The following RUNX2 variants were observed in gnomAD, a reference collection of about 807,000 sequenced individuals.
RUNX2 encodes the protein RUNX family transcription factor 2.
Under a neutral mutation model 51.7 loss-of-function variants are expected in RUNX2, and 10 were observed. The observed-to-expected ratio is 0.19, with a 90% CI of 0.12 to 0.33. The LOEUF (loss-of-function observed/expected upper bound fraction) is 0.33. Ranked by LOEUF, RUNX2 falls within the 10% of genes least tolerant of loss-of-function variation. RUNX2 has a pLI of 1.00. For missense variants in RUNX2, 562 were observed against 691.3 expected (o/e 0.81, Z 2.10); for synonymous variants, 276 against 273.6 (o/e 1.01, Z -0.09).
At chr6:45,509,744 T>C (rs1801086055) in intron 6 of RUNX2, among the ~76,000 whole-genome samples, 1 of 152,240 alleles carries the variant, frequency 6.6e-6, no homozygotes, top group African/African-American at 2.4e-5. Context: ...AGGAGAACTG[T>C]ATCTTACATC....
intron 7 of RUNX2, among the ~76,000 whole-genome samples, chr6:45,532,733 G>A (rs6458446): frequency 0.36 from 54,716 of 151,832 alleles, 11,408 homozygotes; most frequent in African/African-American, 0.59. Context: ...ACCAGTCACT[G>A]ACTGTTTTGG....
At chr6:45,442,792 G>A (rs1305816088) in intron 5 of RUNX2, among the ~76,000 whole-genome samples, 1 of 152,128 alleles carries the variant, frequency 6.6e-6, no homozygotes, top group East Asian at 1.9e-4. Context: ...ATCAGATAGT[G>A]GCTGGTGCTG....
intron 6 of RUNX2, 127 bp from the exon 7 acceptor site, chr6:45,512,119 A>T (rs944145603): frequency 9.7e-6 from 7 of 721,566 alleles, no homozygotes; most frequent in Middle Eastern, 3.8e-4. Context: ...CTTATATATT[A>T]TATATATATA....
chr6:45,407,438 A>G (rs1465017553), intron 2 of RUNX2, among the ~76,000 whole-genome samples: 1 of 152,158 alleles, frequency 6.6e-6, no homozygotes, highest in African/African-American at 2.4e-5. Flanking sequence ...CTCCTCAGTC[A>G]GAAATTTTAC....
intron 6 of RUNX2, among the ~76,000 whole-genome samples, chr6:45,492,869 T>G (rs1800526723): frequency 6.6e-6 from 1 of 152,232 alleles, no homozygotes; most frequent in South Asian, 2.1e-4. Context: ...ATTATAAATC[T>G]TTAATTTGCA....
intron 4 of RUNX2, 81 bp from the exon 5 acceptor site, chr6:45,437,866 A>G (rs1215919406): frequency 9.7e-7 from 1 of 1,035,888 alleles, no homozygotes; most frequent in Non-Finnish European, 1.5e-6. Context: ...CTTAAATGCA[A>G]TTTGGAAATC....
intron 5 of RUNX2, among the ~76,000 whole-genome samples, chr6:45,487,912 G>A (rs938793916): frequency 2.6e-5 from 4 of 152,182 alleles, no homozygotes; most frequent in African/African-American, 7.2e-5. Context: ...AAGAGAGGGT[G>A]TGTTCAAGAG....
chr6:45,426,605 A>T (rs550416787), intron 3 of RUNX2, among the ~76,000 whole-genome samples: 1 of 152,370 alleles, frequency 6.6e-6, no homozygotes, highest in South Asian at 2.1e-4. Flanking sequence ...AAGTAGTTCA[A>T]GTCTATTCTG....
At chr6:45,439,673 GTGTGTGTGTGTA>G (rs1467905436) in intron 5 of RUNX2, among the ~76,000 whole-genome samples, 2 of 151,830 alleles carry the variant, frequency 1.3e-5, no homozygotes, top group African/African-American at 2.4e-5. Context: ...GTGTGCGTGT[GTGTGTGTGTGTA>G]TGTGTGTGTG....
intron 2 of RUNX2, among the ~76,000 whole-genome samples, chr6:45,329,617 A>G (rs970628978): frequency 2.0e-5 from 3 of 151,966 alleles, no homozygotes; most frequent in African/African-American, 7.2e-5. Context: ...CAAAATGAAT[A>G]ACTGCTGTTT....
intron 2 of RUNX2, among the ~76,000 whole-genome samples, chr6:45,395,492 A>G (rs765286668): frequency 1.3e-5 from 2 of 152,232 alleles, no homozygotes; most frequent in Non-Finnish European, 2.9e-5. Context: ...AAATGAGAGT[A>G]ATACAAATTC....
At chr6:45,388,708 A>G (rs1160255323) in intron 2 of RUNX2, among the ~76,000 whole-genome samples, 1 of 152,204 alleles carries the variant, frequency 6.6e-6, no homozygotes, top group Non-Finnish European at 1.5e-5. Flanking sequence ...TTTATTTGGA[A>G]CAATATTGTT....
In RUNX2 at chr6:45,423,954, C is replaced by T. The variant is rs138671724; in HGVS notation, c.423+997C>T. Among the ~76,000 whole-genome samples the T allele has an allele frequency of 5.1e-4, 77 of 152,366 alleles. No homozygotes were observed. The East Asian group carries it at 0.015, about 29-fold the overall frequency. On this transcript the variant is annotated intron_variant, in intron 3 of 8. Transcript: ENST00000647337. ...ACCTGTGGAACAACTTTAGTTCGCCCAACTTGAAAACGGAGGTGAAATTTT... is the reference window on the plus strand; with the variant it reads ...ACCTGTGGAACAACTTTAGTTCGCCTAACTTGAAAACGGAGGTGAAATTTT...
intron 5 of RUNX2, among the ~76,000 whole-genome samples, chr6:45,448,383 G>A (rs1359625856): frequency 2.6e-5 from 4 of 152,198 alleles, no homozygotes; most frequent in Non-Finnish European, 4.4e-5. Context: ...TTTGGTGAGA[G>A]TACAGGACTC....
rs541256105 is a variant in RUNX2, at chr6:45,328,740, G to A, written c.14G>A (p.Ser5Asn). 1 of 1,612,108 alleles carries A rather than the reference G, an allele frequency of 6.2e-7. No homozygotes were observed. The highest frequency in any genetic ancestry group is 1.7e-5 in the Admixed American group (1 of 59,770). ...AAAGGAGGGACTATGGCATCAAACA[G>A]CCTCTTCAGCACAGTGACACCATGT... is the stretch of plus-strand genomic sequence containing the variant. The part of the protein sequence containing the change: MASN[S>N]LFSTVTPCQQ... The change falls in exon 2 of 9, where the codon AGC becomes AAC. Residue 5 changes from serine to asparagine, a missense_variant. Ser to Asn is a conservative substitution (Grantham distance 46). Coordinates refer to ENST00000647337, the MANE Select transcript of RUNX2 (RefSeq NM_001024630.4).
intron 7 of RUNX2, among the ~76,000 whole-genome samples, chr6:45,517,948 C>T (rs560696274): frequency 2.6e-5 from 4 of 152,180 alleles, no homozygotes; most frequent in South Asian, 2.1e-4. Context: ...CCAGCAGCTT[C>T]GTAATGTGCC....
chr6:45,386,913 T>A (rs142038798), intron 2 of RUNX2, among the ~76,000 whole-genome samples: 176 of 152,234 alleles, frequency 1.2e-3, no homozygotes, highest in African/African-American at 4.0e-3. Flanking sequence ...TTGGAATAAT[T>A]TTTTTTAATG....
intron 2 of RUNX2, among the ~76,000 whole-genome samples, chr6:45,409,570 G>C (rs996846413): frequency 6.6e-6 from 1 of 152,154 alleles, no homozygotes; most frequent in African/African-American, 2.4e-5. Context: ...CAACCTTAAT[G>C]CCAAACTATT....
chr6:45,423,074 C>T, intron 3 of RUNX2, 117 bp downstream of exon 3: 1 of 1,389,568 alleles, frequency 7.2e-7, no homozygotes, highest in South Asian at 1.3e-5. Flanking sequence ...GCCTTGGCGG[C>T]TCTAACCCCA....
Sources: allele counts gnomAD v4.1 joint callset (sites outside exome capture counted in the v4.1 genomes callset), GRCh38; gene constraint gnomAD v4.1.1; transcripts MANE v1.5; gene names NCBI Gene and HGNC (gene_info 2026-07-23, HGNC 2026-07-21).